The following MOCOS variants were observed in gnomAD, a reference collection of about 807,000 sequenced individuals.
MOCOS encodes the protein molybdenum cofactor sulfurase, also known as human molybdenum cofactor sulfurase.
Under a neutral mutation model 83.6 loss-of-function variants are expected in MOCOS, and 86 were observed. The ratio of observed to expected loss-of-function variants is 1.03; its 90% CI spans 0.86 to 1.23. MOCOS has a LOEUF of 1.23. Ranked by LOEUF, MOCOS falls within the 50% of genes most tolerant of loss-of-function variation. The pLI, the probability that MOCOS is intolerant of heterozygous loss-of-function variation, is 0.00. For synonymous variants in MOCOS, 445 were observed against 434.7 expected (o/e 1.02, Z -0.29); for missense variants, 1,120 against 1,126.9 (o/e 0.99, Z 0.09).
At chr18:36,216,872 G>T (rs1360677271) in intron 8 of MOCOS, among the ~76,000 whole-genome samples, 4 of 152,184 alleles carry the variant, frequency 2.6e-5, no homozygotes, top group Admixed American at 2.6e-4. Flanking sequence ...AATGAATGGG[G>T]TGTGTCTCCT....
At chr18:36,206,542 G>A (rs751613512) in intron 6 of MOCOS, among the ~76,000 whole-genome samples, 6 of 151,988 alleles carry the variant, frequency 3.9e-5, no homozygotes, top group East Asian at 3.9e-4. Flanking sequence ...CACTGTGCCC[G>A]GCGTTCTTCC....
At chr18:36,224,480 A>C (rs2091508047) in intron 9 of MOCOS, among the ~76,000 whole-genome samples, 1 of 152,108 alleles carries the variant, frequency 6.6e-6, no homozygotes, top group South Asian at 2.1e-4. Context: ...TAGGTTATTA[A>C]GTTTTTATTA....
intron 5 of MOCOS, among the ~76,000 whole-genome samples, chr18:36,204,215 A>G (rs1313951818): frequency 2.0e-5 from 3 of 152,184 alleles, no homozygotes; most frequent in Admixed American, 1.3e-4. Flanking sequence ...CTCTGTACCC[A>G]TTAAACAATA....
At chr18:36,218,150 A>G (rs2091481826) in intron 8 of MOCOS, among the ~76,000 whole-genome samples, 1 of 152,174 alleles carries the variant, frequency 6.6e-6, no homozygotes, top group Non-Finnish European at 1.5e-5. Flanking sequence ...CCTCTTATAC[A>G]GGTCAGCTGT....
chr18:36,227,924 T>C (rs1359015770), intron 9 of MOCOS, among the ~76,000 whole-genome samples: 1 of 152,208 alleles, frequency 6.6e-6, no homozygotes, highest in Non-Finnish European at 1.5e-5. Context: ...GAGAAAATTT[T>C]TGCAAACTAT....
At chr18:36,247,316 G>T (rs1398755544) in intron 9 of MOCOS, among the ~76,000 whole-genome samples, 7 of 152,202 alleles carry the variant, frequency 4.6e-5, no homozygotes, top group African/African-American at 1.7e-4. Context: ...CTCAGGCCTT[G>T]CTCCTCCCTG....
chr18:36,217,446 GCTGGGCTCC>G (rs1389616262), intron 8 of MOCOS, among the ~76,000 whole-genome samples: 1 of 152,064 alleles, frequency 6.6e-6, no homozygotes, highest in Non-Finnish European at 1.5e-5. Flanking sequence ...ACTGAGGGTA[GCTGGGCTCC>G]CTTATGTGTG....
Position 36,249,017 on chromosome 18 carries a change from C to G in MOCOS, c.2039+17C>G, listed in dbSNP as rs567458. On this transcript the variant is annotated intron_variant, in intron 10 of 14. Transcript: ENST00000261326. The stretch of plus-strand genomic sequence containing the variant: ...TGCTGACAGGTGAGACTCTGAAGCA[C>G]GTGAAAATCTCAGCTTTATTGACAG... 0.54 allele frequency: 869,826 copies of G among 1,608,410 alleles called. 240,504 individuals carry two copies. Among genetic ancestry groups the G allele is most frequent in the African/African-American group, 0.72 (54,089 of 74,882 alleles).
intron 1 of MOCOS, 133 bp from the exon 2 acceptor site, chr18:36,195,124 A>G: frequency 2.6e-6 from 2 of 770,310 alleles, no homozygotes; most frequent in South Asian, 2.8e-5. Context: ...CTACACTTGG[A>G]TTAAGAGGCA....
In MOCOS at chr18:36,220,160, T is replaced by C; in HGVS notation, c.1903T>C (p.Cys635Arg). ...CLSQKQEPRL[C>R]LIQPFIDLRQ... is the part of the protein sequence containing the mutation. The stretch of plus-strand genomic sequence containing the variant: ...GAGTCAGAAGCAGGAACCCCGGCTC[T>C]GCCTGATCCAGCCCTTCATCGACTT... Residue 635 changes from cysteine to arginine, a missense_variant, in exon 9 of 15, where the codon TGC becomes CGC. Cys to Arg is a radical substitution (Grantham distance 180). Coordinates refer to ENST00000261326, the MANE Select transcript of MOCOS (RefSeq NM_017947.4). 6.2e-7 allele frequency: 1 copy of C among 1,614,174 alleles called. No homozygotes were observed. Among genetic ancestry groups the C allele is most frequent in the Non-Finnish European group, 8.5e-7 (1 of 1,180,030 alleles).
chr18:36,248,872 G>A, intron 9 of MOCOS, 50 bp from the exon 10 acceptor site: 1 of 1,457,484 alleles, frequency 6.9e-7, no homozygotes. Context: ...AAGTCAAGTA[G>A]CTGTTGTTTT....
chr18:36,227,116 T>G (rs1165243512), intron 9 of MOCOS, among the ~76,000 whole-genome samples: 1 of 152,078 alleles, frequency 6.6e-6, no homozygotes, highest in Non-Finnish European at 1.5e-5. Flanking sequence ...TTCACCATGT[T>G]GCTCAGGTTG....
At chr18:36,246,026 T>C (rs2091600922) in intron 9 of MOCOS, among the ~76,000 whole-genome samples, 2 of 152,168 alleles carry the variant, frequency 1.3e-5, no homozygotes, top group Admixed American at 6.5e-5. Flanking sequence ...TTTTCATCCA[T>C]ATCCTGTATT....
chr18:36,260,653 G>A (rs2091660735), intron 13 of MOCOS, among the ~76,000 whole-genome samples: 1 of 152,086 alleles, frequency 6.6e-6, no homozygotes, highest in South Asian at 2.1e-4. Context: ...CAGAGGCAAA[G>A]CCACCACGAT....
chr18:36,245,195 T>C (rs964045121), intron 9 of MOCOS, among the ~76,000 whole-genome samples: 1 of 152,106 alleles, frequency 6.6e-6, no homozygotes, highest in Non-Finnish European at 1.5e-5. Context: ...ACCTTTTTTT[T>C]ATTGTGTTAT....
chr18:36,225,176 G>A (rs959683950), intron 9 of MOCOS, among the ~76,000 whole-genome samples: 3 of 151,284 alleles, frequency 2.0e-5, no homozygotes, highest in Non-Finnish European at 2.9e-5. Flanking sequence ...TTTTTGAGAC[G>A]GAGTCTCATT....
At chr18:36,242,378 C>T (rs1598588500) in intron 9 of MOCOS, among the ~76,000 whole-genome samples, 3 of 152,202 alleles carry the variant, frequency 2.0e-5, no homozygotes, top group Non-Finnish European at 2.9e-5. Flanking sequence ...ACATCACTAT[C>T]GGCATTTTGG....
chr18:36,188,072 T>C (rs968686479), intron 1 of MOCOS, among the ~76,000 whole-genome samples: 3 of 152,052 alleles, frequency 2.0e-5, no homozygotes, highest in Non-Finnish European at 4.4e-5. Context: ...CCTCCCGAGG[T>C]AGGAGCGGTG....
chr18:36,262,644 G>A (rs544540319), intron 13 of MOCOS, among the ~76,000 whole-genome samples: 19 of 152,026 alleles, frequency 1.2e-4, no homozygotes, highest in African/African-American at 2.4e-4. Context: ...GACTACAGGC[G>A]TGCACCACCA....
Sources: allele counts gnomAD v4.1 joint callset (sites outside exome capture counted in the v4.1 genomes callset), GRCh38; gene constraint gnomAD v4.1.1; transcripts MANE v1.5; gene names NCBI Gene and HGNC (gene_info 2026-07-23, HGNC 2026-07-21).